UNC13C: variants seen among roughly 807,000 people sequenced by gnomAD.
The protein encoded by UNC13C is unc-13 homolog C.
Under a neutral mutation model 245.4 loss-of-function variants are expected in UNC13C, and 174 were observed. The observed-to-expected ratio is 0.71, with a 90% CI of 0.63 to 0.80. UNC13C has a LOEUF of 0.80. UNC13C is among the 30% of genes least tolerant of loss of function. The pLI, the probability that UNC13C is intolerant of heterozygous loss-of-function variation, is 0.00. For synonymous variants in UNC13C, 992 were observed against 895.1 expected (o/e 1.11, Z -1.93); for missense variants, 2,829 against 2,602.9 (o/e 1.09, Z -1.89).
Position 54,143,621 on chromosome 15 carries a change from C to A in UNC13C, c.3008C>A (p.Ala1003Asp). 2.5e-6 allele frequency: 4 copies of A among 1,612,810 alleles called. No individual in the cohort carries two copies. The highest frequency in any genetic ancestry group is 3.4e-6 in the Non-Finnish European group (4 of 1,179,030). ...TTTTTCTCTTACTCTTCATTTAAGG[C>A]TCGAATAGTAAGTGGCAATGATTTG... ...AGDSSSVDEK[A>D]RIVSGNDLDA... Residue 1003 changes from alanine to aspartate, a missense_variant and splice_region_variant, in exon 4 of 33, where the codon GCT (alanine) becomes GAT (aspartate). Ala to Asp is a moderately radical substitution (Grantham distance 126). Coordinates refer to ENST00000260323, the MANE Select transcript of UNC13C (RefSeq NM_001080534.3).
intron 18 of UNC13C, among the ~76,000 whole-genome samples, chr15:54,410,429 A>AT (rs2040392961): frequency 6.6e-6 from 1 of 151,280 alleles, no homozygotes; most frequent in Non-Finnish European, 1.5e-5. Flanking sequence ...TGGGGTCATC[A>AT]TAAAATCTTT....
intron 13 of UNC13C, among the ~76,000 whole-genome samples, chr15:54,301,328 G>A (rs537900234): frequency 6.9e-5 from 10 of 145,730 alleles, no homozygotes; most frequent in Admixed American, 2.1e-4. Flanking sequence ...TGGGGTACAT[G>A]TGCAGAATGT....
At chr15:53,897,472 G>A in the UNC13C span, among the ~76,000 whole-genome samples, 1 of 152,132 alleles carries the variant, frequency 6.6e-6, no homozygotes, top group South Asian at 2.1e-4. Context: ...AGGGATGAGG[G>A]TCTCACTATG....
chr15:54,400,925 G>A (rs942010085), intron 18 of UNC13C, among the ~76,000 whole-genome samples: 29 of 152,050 alleles, frequency 1.9e-4, no homozygotes, highest in Non-Finnish European at 3.2e-4. Flanking sequence ...GGAATACTAT[G>A]CAGCCATAAA....
At chr15:54,345,300 T>G (rs76922160) in intron 17 of UNC13C, among the ~76,000 whole-genome samples, 7,177 of 152,288 alleles carry the variant, frequency 0.047, 253 homozygotes, top group Admixed American at 0.11. Flanking sequence ...CAGTAAGAAA[T>G]TATAGGTATA....
chr15:54,429,134 A>T (rs954353342), intron 19 of UNC13C, among the ~76,000 whole-genome samples: 7 of 151,862 alleles, frequency 4.6e-5, no homozygotes, highest in Admixed American at 2.0e-4. Context: ...ATTTAAATTT[A>T]TTCATCATTG....
At chr15:54,426,609 G>A (rs1048666034) in intron 19 of UNC13C, among the ~76,000 whole-genome samples, 2 of 151,642 alleles carry the variant, frequency 1.3e-5, no homozygotes, top group South Asian at 2.1e-4. Context: ...CTATGTTTAA[G>A]GGAAGGGGAC....
chr15:54,028,116 T>G (rs1001785001), intron 2 of UNC13C, among the ~76,000 whole-genome samples: 1 of 152,212 alleles, frequency 6.6e-6, no homozygotes, highest in African/African-American at 2.4e-5. Context: ...AGTGGTGAAC[T>G]TACTGTAGTG....
chr15:54,628,126 G>GTATT lies in UNC13C; in HGVS notation c.*1017_*1020dup, dbSNP rs1901303451. The GTATT allele has an allele frequency of 6.6e-6, 1 of 152,062 alleles. No homozygotes were observed. The highest frequency in any genetic ancestry group is 2.4e-5 in the African/African-American group (1 of 41,412). 9.4% of individuals were successfully genotyped at this position (152,062 alleles called of 1,614,324 possible). On this transcript the variant is annotated 3_prime_UTR_variant, in exon 33 of 33. Coordinates refer to ENST00000260323, the MANE Select transcript of UNC13C (RefSeq NM_001080534.3). ...GAAATTGCTTAAAATTTTGTAATTT[G>GTATT]TATTTATAAGCCCCAAATGCATCAA...
chr15:54,186,541 T>C (rs2033989486), intron 4 of UNC13C, among the ~76,000 whole-genome samples: 1 of 151,406 alleles, frequency 6.6e-6, no homozygotes, highest in African/African-American at 2.4e-5. Context: ...AATTTATCTT[T>C]TAATTTCACA....
Position 54,055,141 on chromosome 15 carries a change from T to A in UNC13C, c.2983+39255T>A, listed in dbSNP as rs376364559. On this transcript the variant is annotated intron_variant, in intron 2 of 32. Coordinates refer to ENST00000260323, the MANE Select transcript of UNC13C (RefSeq NM_001080534.3). ...GGCAAATTGATTAGATAAAACTTAT[T>A]AACATGCAATGCCAAATAATTGATT... Among the ~76,000 whole-genome samples, 19 of 152,320 alleles carry A rather than the reference T, an allele frequency of 1.2e-4. No individual in the cohort carries two copies. The South Asian group carries it at 3.1e-3, about 25-fold the overall frequency.
At chr15:54,082,275 G>T (rs890333375) in intron 2 of UNC13C, among the ~76,000 whole-genome samples, 1 of 152,016 alleles carries the variant, frequency 6.6e-6, no homozygotes, top group Non-Finnish European at 1.5e-5. Context: ...ATAGTATCTC[G>T]CAGGTGTTCT....
intron 2 of UNC13C, chr15:54,050,371 TC>T (rs1897225887): frequency 1.8e-6 from 1 of 559,596 alleles, no homozygotes; most frequent in Admixed American, 1.9e-5. Context: ...AAGGCACTCC[TC>T]CTTTTTCTGT....
intron 4 of UNC13C, among the ~76,000 whole-genome samples, chr15:54,213,012 T>G (rs1209901716): frequency 6.6e-6 from 1 of 152,050 alleles, no homozygotes; most frequent in East Asian, 1.9e-4. Context: ...GTTTTTCAAT[T>G]TTTAGAGAAT....
chr15:54,610,453 C>T (rs1237540661), intron 30 of UNC13C, among the ~76,000 whole-genome samples: 1 of 152,098 alleles, frequency 6.6e-6, no homozygotes, highest in Non-Finnish European at 1.5e-5. Context: ...CCAGGCTGGT[C>T]TCAAACTGAT....
chr15:54,054,417 C>A (rs558809609), intron 2 of UNC13C, among the ~76,000 whole-genome samples: 2 of 152,192 alleles, frequency 1.3e-5, no homozygotes, highest in East Asian at 3.9e-4. Context: ...CTTAAGGCTG[C>A]CCTCGTTAAA....
At chr15:54,435,758 TA>T in intron 19 of UNC13C, among the ~76,000 whole-genome samples, 1 of 150,312 alleles carries the variant, frequency 6.7e-6, no homozygotes, top group Middle Eastern at 3.4e-3. Context: ...TAAATAAAAA[TA>T]AAAAAAGAAA....
chr15:54,065,997 A>C (rs577902734), intron 2 of UNC13C, among the ~76,000 whole-genome samples: 1 of 152,332 alleles, frequency 6.6e-6, no homozygotes, highest in East Asian at 1.9e-4. Context: ...ACTATTTATT[A>C]GCATGAACAC....
At chr15:53,893,840 A>T in the UNC13C span, among the ~76,000 whole-genome samples, 2,015 of 152,098 alleles carry the variant, frequency 0.013, 22 homozygotes, top group Non-Finnish European at 0.02. Context: ...TGGCTTCAGC[A>T]CCCCTTTCAA....
Sources: gnomAD v4.1 joint callset for allele counts (sites outside exome capture counted in the v4.1 genomes callset) on GRCh38, gnomAD v4.1.1 for gene constraint, MANE v1.5 for transcripts, NCBI Gene and HGNC (gene_info 2026-07-23, HGNC 2026-07-21) for gene names.